The following EHD2 variants were observed in gnomAD, a reference collection of about 807,000 sequenced individuals.
EHD2 encodes EH domain-containing protein 2.
Under a neutral mutation model 41.0 loss-of-function variants are expected in EHD2, and 27 were observed. That is an observed-to-expected ratio of 0.66 (90% CI 0.49 to 0.91). The LOEUF (loss-of-function observed/expected upper bound fraction) is 0.91, where lower values mean the gene tolerates loss of function less well. Among genes scored for constraint, EHD2 ranks in the 40% least tolerant of loss-of-function variants. The probability of loss-of-function intolerance (pLI) is 0.00; values close to 1 mark genes in which losing one functional copy is unlikely to be tolerated. For synonymous variants in EHD2, 342 were observed against 341.0 expected, an observed-to-expected ratio of 1.00 and a Z score of -0.03; for missense variants, 673 against 773.9, an observed-to-expected ratio of 0.87 and a Z score of 1.55.
chr19:47,735,708 G>C (rs1016705077), intron 4 of EHD2, among the ~76,000 whole-genome samples: 5 of 151,674 alleles, frequency 3.3e-5, no homozygotes, highest in Non-Finnish European at 5.9e-5. Flanking sequence ...TTCAAGACCA[G>C]CCTGGCCAAC....
chr19:47,725,648 C>T (rs1230635826), intron 3 of EHD2, among the ~76,000 whole-genome samples, 164 bp from the exon 4 acceptor site: 2 of 152,206 alleles, frequency 1.3e-5, no homozygotes, highest in African/African-American at 2.4e-5. Context: ...CAGTAGTGCC[C>T]ACTGAGGGCC....
At chr19:47,717,664 T>C (rs1162207607) in intron 2 of EHD2, among the ~76,000 whole-genome samples, 2 of 151,838 alleles carry the variant, frequency 1.3e-5, no homozygotes, top group African/African-American at 4.8e-5. Context: ...CCCAGCGCTT[T>C]GGGAGGCCAA....
intron 4 of EHD2, chr19:47,731,279 A>AAAAAAAAAAAAAAAAAAATTATATATAT: frequency 3.3e-5 from 2 of 60,934 alleles, no homozygotes; most frequent in African/African-American, 9.8e-5. Context: ...AAAAAAAAAA[A>AAAAAAAAAAAAAAAAAAATTATATATAT]ATATATATAT....
At chr19:47,725,726 A>C in intron 3 of EHD2, 86 bp from the exon 4 acceptor site, 12 of 1,483,614 alleles carry the variant, frequency 8.1e-6, no homozygotes, top group South Asian at 1.3e-5. Flanking sequence ...CCAATATGCA[A>C]GAGAATGGGA....
Position 47,725,889 on chromosome 19 carries a change from C to T in EHD2, c.580C>T (p.Leu194=), listed in dbSNP as rs143975739. ...CATCCTGCTCTTTGATGCGCACAAG[C>T]TGGAGATCTCGGACGAGTTCTCAGA... ...LIILLFDAHK[L]EISDEFSEAI... Residue 194 remains leucine, a synonymous_variant, in exon 4 of 6, where the codon CTG becomes TTG. Coordinates refer to ENST00000263277, the MANE Select transcript of EHD2 (RefSeq NM_014601.4). 5 of 1,613,642 alleles carry T rather than the reference C, an allele frequency of 3.1e-6. No homozygotes were observed. In the African/African-American group the frequency reaches 6.7e-5, roughly 22 times the overall value.
intron 3 of EHD2, among the ~76,000 whole-genome samples, chr19:47,721,241 A>C (rs1199834114): frequency 6.6e-6 from 1 of 151,222 alleles, no homozygotes; most frequent in African/African-American, 2.4e-5. Flanking sequence ...AAGATGTGTG[A>C]ACACACGCAT....
Position 47,719,971 on chromosome 19 carries a change from A to G in EHD2, c.502+1365A>G, listed in dbSNP as rs867710041. Among the ~76,000 whole-genome samples the G allele has an allele frequency of 6.1e-4, 37 of 60,510 alleles. No homozygotes were observed. Among genetic ancestry groups the G allele is most frequent in the Non-Finnish European group, 1.0e-3 (32 of 31,244 alleles). The allele number at this position is 60,510 out of a possible 152,430, so 39.7% of individuals were successfully genotyped here. A position where few individuals can be genotyped will look rare whatever the true frequency, so the allele number is the denominator to read the frequency against. ...ATGTGTGTGTGTGTGTGTGTGTGTG[A>G]CTTTGTGTATATCTTGGGAAAGTGT... is the stretch of plus-strand genomic sequence containing the variant. On this transcript the variant is annotated intron_variant, in intron 3 of 5. Transcript: ENST00000263277. This position sits in a 1 kb window ranked among gnomAD's most constrained non-coding sequence, Gnocchi z 4.1.
Position 47,725,884 on chromosome 19 carries a change from A to T in EHD2, c.575A>T (p.His192Leu), listed in dbSNP as rs1973745392. 1 of 1,613,496 alleles carries T rather than the reference A, an allele frequency of 6.2e-7. No individual in the cohort carries two copies. Among genetic ancestry groups the T allele is most frequent in the Admixed American group, 1.7e-5 (1 of 59,992 alleles). ...CTCATCATCCTGCTCTTTGATGCGC[A>T]CAAGCTGGAGATCTCGGACGAGTTC... ...VDLIILLFDA[H>L]KLEISDEFSE... Residue 192 changes from histidine (H) to leucine (L), a missense_variant, in exon 4 of 6, where the codon CAC becomes CTC. His to Leu is a moderately conservative substitution (Grantham distance 99). Transcript: ENST00000263277.
intron 1 of EHD2, among the ~76,000 whole-genome samples, chr19:47,714,508 G>C (rs982649626): frequency 6.6e-6 from 1 of 152,112 alleles, no homozygotes; most frequent in Non-Finnish European, 1.5e-5. Context: ...CAGATCCTAC[G>C]GTGAATAAAA....
At chr19:47,718,413 T>C (rs1170087542) in intron 2 of EHD2, 96 bp from the exon 3 acceptor site, 2 of 1,072,060 alleles carry the variant, frequency 1.9e-6, no homozygotes, top group Non-Finnish European at 2.7e-6. Context: ...TAAAGGATGC[T>C]TTGCCATGCG....
rs951479746 is a variant in EHD2 at position 47,726,020 on chromosome 19, G to A, written c.711G>A (p.Met237Ile). 5.0e-6 allele frequency: 8 copies of A among 1,600,842 alleles called. No individual in the cohort carries two copies. The highest frequency in any genetic ancestry group is 1.7e-5 in the Admixed American group (1 of 58,124). The change falls in exon 4 of 6, where the codon ATG becomes ATA. Residue 237 changes from methionine (M) to isoleucine (I), a missense_variant. Transcript: ENST00000263277. ...TGATGCGCGTCTACGGCGCGCTCAT[G>A]TGGGCGCTGGGCAAGGTGGTGGGCA... ...QQLMRVYGAL[M>I]WALGKVVGTP...
intron 1 of EHD2, among the ~76,000 whole-genome samples, chr19:47,715,089 AAAAGC>A (rs566827494): frequency 4.6e-5 from 7 of 152,138 alleles, no homozygotes; most frequent in South Asian, 2.1e-4. Context: ...AAAAAGAAAG[AAAAGC>A]AAAGCAAAGC....
In EHD2 at chr19:47,719,915, G is replaced by A. The variant is rs1476337924; in HGVS notation, c.502+1309G>A. ...CCTGGCCTTGAGGATAGAGGAAGAG[G>A]AGGAGAGAGTGTCCAGCTGTTGGTG... On this transcript the variant is annotated intron_variant, in intron 3 of 5. Transcript: ENST00000263277. The surrounding 1 kb of genome is among the most constrained non-coding windows in gnomAD (Gnocchi z 4.1). 9.9e-5 allele frequency among the ~76,000 whole-genome samples: 15 copies of A among 151,202 alleles called. No homozygotes were observed. The highest frequency in any genetic ancestry group is 9.9e-4 in the Admixed American group (15 of 15,158).
intron 4 of EHD2, among the ~76,000 whole-genome samples, chr19:47,730,992 A>T (rs1973801237): frequency 6.6e-6 from 1 of 151,788 alleles, no homozygotes. Context: ...AATGAAGCGG[A>T]GGAAAGAGGG....
At chr19:47,716,517 G>C (rs1973626036) in intron 1 of EHD2, 41 bp from the exon 2 acceptor site, 1 of 1,380,206 alleles carries the variant, frequency 7.2e-7, no homozygotes, top group African/African-American at 1.5e-5. Context: ...CTTCCTCCTT[G>C]GCTGGGCCGC....
intron 4 of EHD2, among the ~76,000 whole-genome samples, chr19:47,728,963 A>G (rs550055652): frequency 8.6e-5 from 13 of 151,916 alleles, no homozygotes; most frequent in African/African-American, 3.1e-4. Flanking sequence ...ATGACATTGA[A>G]CAAACAGTTG....
intron 4 of EHD2, among the ~76,000 whole-genome samples, chr19:47,733,591 C>T (rs540480262): frequency 1.9e-4 from 29 of 150,110 alleles, no homozygotes; most frequent in African/African-American, 5.9e-4. Context: ...GGCGTGAACC[C>T]GGGAGGTGGA....
chr19:47,715,681 C>T (rs908155053), intron 1 of EHD2, among the ~76,000 whole-genome samples: 5 of 152,180 alleles, frequency 3.3e-5, no homozygotes, highest in African/African-American at 9.7e-5. Context: ...CTGCATCCTT[C>T]GCCTTGTCCA....
chr19:47,739,171 C>T (rs933943855), intron 5 of EHD2, among the ~76,000 whole-genome samples: 4 of 151,740 alleles, frequency 2.6e-5, no homozygotes, highest in Admixed American at 1.3e-4. Flanking sequence ...GTGCTATCTT[C>T]GCTCACTGCA....
Sources: allele counts gnomAD v4.1 joint callset (sites outside exome capture counted in the v4.1 genomes callset), GRCh38; gene constraint gnomAD v4.1.1; non-coding constraint Gnocchi (gnomAD v3.1); transcripts MANE v1.5; gene names NCBI Gene and HGNC (gene_info 2026-07-23, HGNC 2026-07-21).